GAA: variants seen among roughly 807,000 people sequenced by gnomAD.
GAA encodes the protein alpha glucosidase.
Under a neutral mutation model 103.9 loss-of-function variants are expected in GAA, and 88 were observed. That is an observed-to-expected ratio of 0.85 (90% confidence interval 0.71 to 1.01). The LOEUF (loss-of-function observed/expected upper bound fraction) is 1.01, where lower values mean the gene tolerates loss of function less well. GAA is among the 50% of genes least tolerant of loss of function. GAA has a pLI of 0.00. For missense variants in GAA, 1,350 were observed against 1,305.3 expected (o/e 1.03, Z -0.53); for synonymous variants, 572 against 563.1 (o/e 1.02, Z -0.22).
In GAA at chr17:80,118,792, G is replaced by A; in HGVS notation, c.2786G>A (p.Ser929Asn). The A allele has an allele frequency of 6.2e-7, 1 of 1,613,308 alleles. No homozygotes were observed. Among genetic ancestry groups the A allele is most frequent in the Non-Finnish European group, 8.5e-7 (1 of 1,180,020 alleles). Residue 929 changes from serine (S) to asparagine (N), a missense_variant, in exon 19 of 20, where the codon AGC becomes AAC. Ser to Asn is a conservative substitution (Grantham distance 46). Transcript: ENST00000302262. The stretch of plus-strand genomic sequence containing the variant: ...GTCCCTGTCTCCAACTTCACCTACA[G>A]CCCCGACACCAAGGCAAGAGGGCCC... ...NGVPVSNFTY[S>N]PDTKVLDICV...
At position 80,115,262 on chromosome 17, in the gene GAA, G is replaced by A. The variant is rs576038638; in HGVS notation, c.2190-1706G>A. ...TTGCAGCTCTGTTGACTCCTTCCTC[G>A]TTGTGTTTTCTTTCTGTTCTTCAGA... On this transcript the variant is annotated intron_variant, in intron 15 of 19. Transcript: ENST00000302262. Among the ~76,000 whole-genome samples, 8 of 151,658 alleles carry A rather than the reference G, an allele frequency of 5.3e-5. No homozygotes were observed. The South Asian group carries it at 1.7e-3, about 31-fold the overall frequency.
chr17:80,105,015 C>T lies in GAA; in HGVS notation c.429C>T (p.Ser143=). 6.2e-7 allele frequency: 1 copy of T among 1,612,964 alleles called. No individual in the cohort carries two copies. The highest frequency in any genetic ancestry group is 8.5e-7 in the Non-Finnish European group (1 of 1,180,018). The change falls in exon 2 of 20, where the codon TCC becomes TCT. Residue 143 remains serine, a synonymous_variant. Transcript: ENST00000302262. The part of the protein sequence containing the change: ...YPSYKLENLS[S]SEMGYTATLT... ...GCTACAAGCTGGAGAACCTGAGCTC[C>T]TCTGAAATGGGCTACACGGCCACCC... is the stretch of plus-strand genomic sequence containing the variant.
At position 80,103,257 on chromosome 17, in the gene GAA, G is replaced by C. The variant is rs12602610; in HGVS notation, c.-32-1298G>C. On this transcript the variant is annotated intron_variant, in intron 1 of 19. Transcript: ENST00000302262. ...CCAGGGGCTGCTTTCTGAAATCCTT[G>C]CCTGCCTCTGCTCCAAGGCCCGTTC... 0.31 allele frequency among the ~76,000 whole-genome samples: 47,582 copies of C among 152,040 alleles called. 7,887 individuals carry two copies. Among genetic ancestry groups the C allele is most frequent in the East Asian group, 0.42 (2,162 of 5,154 alleles).
chr17:80,112,040 T>C lies in GAA; in HGVS notation c.1694T>C (p.Leu565Pro). 1 of 1,613,986 alleles carries C rather than the reference T, an allele frequency of 6.2e-7. No individual in the cohort carries two copies. Among genetic ancestry groups the C allele is most frequent in the Non-Finnish European group, 8.5e-7 (1 of 1,179,926 alleles). Residue 565 changes from leucine (L) to proline (P), a missense_variant, in exon 12 of 20, where the codon CTC (leucine) becomes CCC (proline). Physicochemically the swap from Leu to Pro is moderately conservative, Grantham distance 98. Transcript: ENST00000302262. ...ATICASSHQF[L>P]STHYNLHNLY... ...ATCTGTGCCTCCAGCCACCAGTTTCTCTCCACACACTACAACCTGCACAAC... is the reference window on the plus strand; with the variant it reads ...ATCTGTGCCTCCAGCCACCAGTTTCCCTCCACACACTACAACCTGCACAAC...
intron 3 of GAA, among the ~76,000 whole-genome samples, chr17:80,107,296 T>TGG (rs2039108982): frequency 6.6e-6 from 1 of 152,154 alleles, no homozygotes. Context: ...GTCAGCCCCT[T>TGG]GGGGGCCCCT....
Position 80,113,226 on chromosome 17 carries a change from G to T in GAA, c.2049G>T (p.Glu683Asp). The part of the protein sequence containing the change: ...NHNSLLSLPQ[E>D]PYSFSEPAQQ... ...CCCCGCCTGCCCTGCAGCCCCAGGA[G>T]CCGTACAGCTTCAGCGAGCCGGCCC... is the stretch of plus-strand genomic sequence containing the variant. Residue 683 changes from glutamate (E) to aspartate (D), a missense_variant, in exon 15 of 20, where the codon GAG becomes GAT. By Grantham distance (45) the Glu-to-Asp change is conservative. Transcript: ENST00000302262. The T allele has an allele frequency of 6.2e-7, 1 of 1,600,406 alleles. No homozygotes were observed.
chr17:80,105,813 C>T lies in GAA; in HGVS notation c.611C>T (p.Ala204Val). The change falls in exon 3 of 20, where the codon GCA becomes GTA. Residue 204 changes from alanine to valine, a missense_variant. By Grantham distance (64) the Ala-to-Val change is moderately conservative (BLOSUM62 0). Coordinates refer to ENST00000302262, the MANE Select transcript of GAA (RefSeq NM_000152.5). ...PLETPHVHSR[A>V]PSPLYSVEFS... ...GAGACCCCGCATGTCCACAGCCGGG[C>T]ACCGTCCCCACTCTACAGCGTGGAG... The T allele has an allele frequency of 6.2e-7, 1 of 1,610,796 alleles. No homozygotes were observed.
Position 80,108,711 on chromosome 17 carries a change from C to T in GAA, c.1209C>T (p.Asn403=), listed in dbSNP as rs751333479. 10 of 1,612,718 alleles carry T rather than the reference C, an allele frequency of 6.2e-6. No homozygotes were observed. The highest frequency in any genetic ancestry group is 2.2e-5 in the East Asian group (1 of 44,858). Residue 403 remains asparagine, a synonymous_variant, in exon 8 of 20, where the codon AAC becomes AAT. Coordinates refer to ENST00000302262, the MANE Select transcript of GAA (RefSeq NM_000152.5). ...RAHFPLDVQW[N]DLDYMDSRRD... is the part of the protein sequence containing the mutation. ...TGTGGCTGCAGGACGTCCAGTGGAACGACCTGGACTACATGGACTCCCGGA... is the reference window on the plus strand; with the variant it reads ...TGTGGCTGCAGGACGTCCAGTGGAATGACCTGGACTACATGGACTCCCGGA...
In GAA at chr17:80,104,379, T is replaced by C. The variant is rs2039018845; in HGVS notation, c.-32-176T>C. 6.6e-6 allele frequency among the ~76,000 whole-genome samples: 1 copy of C among 152,146 alleles called. No homozygotes were observed. The highest frequency in any genetic ancestry group is 2.1e-4 in the South Asian group (1 of 4,832). On this transcript the variant is annotated intron_variant, in intron 1 of 19. Transcript: ENST00000302262. This position sits in a 1 kb window ranked among gnomAD's most constrained non-coding sequence, Gnocchi z 4.0. ...TCCCCTGCTGGAGCTTTTCTCGCCC[T>C]TCCTTCTGGCCCTCTCCCCAGTCTA...
In GAA at chr17:80,117,005, C is replaced by T. The variant is rs1057516277; in HGVS notation, c.2227C>T (p.Gln743Ter). The T allele has an allele frequency of 8.1e-6, 13 of 1,613,794 alleles. No homozygotes were observed. The highest frequency in any genetic ancestry group is 1.1e-5 in the Non-Finnish European group (13 of 1,180,026). ...CTCTAGCACCTGGACTGTGGACCACCAGCTCCTGTGGGGGGAGGCCCTGCT... is the reference window on the plus strand; with the variant it reads ...CTCTAGCACCTGGACTGTGGACCACTAGCTCCTGTGGGGGGAGGCCCTGCT... Reference protein sequence around the residue: ...KDSSTWTVDHQLLWGEALLIT... With the variant: ...KDSSTWTVDH Residue 743 changes from glutamine to a stop codon, truncating the protein, a stop_gained, in exon 16 of 20, where the codon CAG (glutamine) becomes TAG (stop). Transcript: ENST00000302262. LOFTEE classifies it high-confidence loss of function.
rs369531647 is a variant in GAA, at chr17:80,112,664, C to A, written c.1841C>A (p.Thr614Lys). The A allele has an allele frequency of 4.3e-5, 69 of 1,612,230 alleles. No homozygotes were observed. The highest frequency in any genetic ancestry group is 5.4e-5 in the Non-Finnish European group (64 of 1,179,758). ...CACGGCCGATACGCCGGCCACTGGA[C>A]GGGGGACGTGTGGAGCTCCTGGGAG... The part of the protein sequence containing the change: ...AGHGRYAGHW[T>K]GDVWSSWEQL... Residue 614 changes from threonine (T) to lysine (K), a missense_variant, in exon 13 of 20, where the codon ACG becomes AAG. By Grantham distance (78) the Thr-to-Lys change is moderately conservative. Coordinates refer to ENST00000302262, the MANE Select transcript of GAA (RefSeq NM_000152.5).
rs764735768 is a variant in GAA, at chr17:80,117,060, C to G, written c.2282C>G (p.Ala761Gly). 6.2e-7 allele frequency: 1 copy of G among 1,613,520 alleles called. No homozygotes were observed. Among genetic ancestry groups the G allele is most frequent in the East Asian group, 2.2e-5 (1 of 44,880 alleles). ...LITPVLQAGKAEVTGYFPLGT... is the reference protein window; with the variant it reads ...LITPVLQAGKGEVTGYFPLGT... ...ACCCCAGTGCTCCAGGCCGGGAAGG[C>G]CGAAGTGACTGGCTACTTCCCCTTG... Residue 761 changes from alanine to glycine, a missense_variant, in exon 16 of 20, where the codon GCC becomes GGC. Transcript: ENST00000302262.
At position 80,107,869 on chromosome 17, in the gene GAA, G is replaced by T. The variant is rs941586376; in HGVS notation, c.928G>T (p.Val310Leu). ...ALEDGGSAHG[V>L]FLLNSNAMDV... is the part of the protein sequence containing the mutation. The stretch of plus-strand genomic sequence containing the variant: ...GGAGGACGGCGGGTCGGCACACGGG[G>T]TGTTCCTGCTAAACAGCAATGCCAT... Residue 310 changes from valine to leucine, a missense_variant, in exon 5 of 20, where the codon GTG becomes TTG. Val to Leu is a conservative substitution (Grantham distance 32, BLOSUM62 1). Coordinates refer to ENST00000302262, the MANE Select transcript of GAA (RefSeq NM_000152.5). The T allele has an allele frequency of 3.7e-6, 6 of 1,611,530 alleles. No homozygotes were observed. Among genetic ancestry groups the T allele is most frequent in the African/African-American group, 1.3e-5 (1 of 75,018 alleles).
chr17:80,119,631 T>C lies in GAA; in HGVS notation c.*300T>C, dbSNP rs2039440282. On this transcript the variant is annotated 3_prime_UTR_variant, in exon 20 of 20. Coordinates refer to ENST00000302262, the MANE Select transcript of GAA (RefSeq NM_000152.5). ...TCACCTGTTGCCGGCATGCGGGTAG[T>C]ATTAGCCACCCCCCTCCATCTGTTC... 1 of 405,998 alleles carries C rather than the reference T, an allele frequency of 2.5e-6. No individual in the cohort carries two copies. 25.1% of individuals were successfully genotyped at this position (405,998 alleles called of 1,614,324 possible).
At chr17:80,107,016 C>T (rs2039103165) in intron 3 of GAA, among the ~76,000 whole-genome samples, 1 of 152,026 alleles carries the variant, frequency 6.6e-6, no homozygotes, top group South Asian at 2.1e-4. Flanking sequence ...GCCCGTCCTG[C>T]GAAATTAGCT....
At chr17:80,102,007 C>G (rs1412903002) in intron 1 of GAA, 117 bp downstream of exon 1, 1 of 152,408 alleles carries the variant, frequency 6.6e-6, no homozygotes, top group African/African-American at 2.4e-5. Context: ...CCCCAGACCT[C>G]TAGTCCTCCC....
intron 3 of GAA, among the ~76,000 whole-genome samples, chr17:80,106,851 G>A (rs369864937): frequency 5.8e-4 from 89 of 152,352 alleles, no homozygotes; most frequent in African/African-American, 2.0e-3. Context: ...GAGCCCAGGG[G>A]TTCGAGGTTG....
rs560322872 is a variant in GAA at position 80,110,108 on chromosome 17, G to C, written c.1437+53G>C. On this transcript the variant is annotated intron_variant, in intron 9 of 19. Coordinates refer to ENST00000302262, the MANE Select transcript of GAA (RefSeq NM_000152.5). ...TTAGAAAGCAGAGGCCTCCAGCCAG[G>C]GGGAGCCGGCAGCTGCTCAGGAAGA... 3.6e-5 allele frequency: 52 copies of C among 1,427,044 alleles called. No homozygotes were observed. In the East Asian group the frequency reaches 9.8e-4, roughly 27 times the overall value. The allele number at this position is 1,427,044 out of a possible 1,614,324, so 88.4% of individuals were successfully genotyped here. A position where few individuals can be genotyped will look rare whatever the true frequency, so the allele number is the denominator to read the frequency against.
At chr17:80,113,508 C>A in intron 15 of GAA, 142 bp downstream of exon 15, 1 of 768,662 alleles carries the variant, frequency 1.3e-6, no homozygotes, top group Non-Finnish European at 2.0e-6. Flanking sequence ...TTGGGCCTGG[C>A]TTAAGGGGGA....
Sources: gnomAD v4.1 joint callset for allele counts (sites outside exome capture counted in the v4.1 genomes callset) on GRCh38, gnomAD v4.1.1 for gene constraint, Gnocchi (gnomAD v3.1) non-coding constraint, MANE v1.5 for transcripts, NCBI Gene and HGNC (gene_info 2026-07-23, HGNC 2026-07-21) for gene names.